Variants in PTPRM observed in about 807,000 individuals in gnomAD.
PTPRM encodes the protein receptor-type tyrosine-protein phosphatase mu.
A neutral mutation model predicts 186.7 loss-of-function variants in PTPRM; 47 were observed. The ratio of observed to expected loss-of-function variants is 0.25; its 90% CI spans 0.20 to 0.32. The LOEUF (loss-of-function observed/expected upper bound fraction) is 0.32. Among genes scored for constraint, PTPRM ranks in the 10% least tolerant of loss-of-function variants. The probability of loss-of-function intolerance (pLI) is 1.00; values close to 1 mark genes in which losing one functional copy is unlikely to be tolerated. For missense variants in PTPRM, 1,494 were observed against 1,865.0 expected, an observed-to-expected ratio of 0.80 and a Z score of 3.66; for synonymous variants, 668 against 674.9, an observed-to-expected ratio of 0.99 and a Z score of 0.16.
chr18:8,063,303 G>A (rs557989022), intron 7 of PTPRM, among the ~76,000 whole-genome samples: 12 of 150,750 alleles, frequency 8.0e-5, no homozygotes, highest in Non-Finnish European at 1.6e-4. Context: ...GCAATGCCTC[G>A]CCCTGCTTCG....
At chr18:7,772,391 CTTTCTTTCTTTCTTTCTTTCT>C (rs2042347662) in intron 1 of PTPRM, among the ~76,000 whole-genome samples, 1 of 106,198 alleles carries the variant, frequency 9.4e-6, no homozygotes, top group Non-Finnish European at 2.0e-5. Flanking sequence ...TTCTTTCTTT[CTTTCTTTCTTTCTTTCTTTCT>C]TTTCTTTCTT....
At chr18:7,909,764 AT>A (rs1385334212) in intron 4 of PTPRM, among the ~76,000 whole-genome samples, 3 of 135,640 alleles carry the variant, frequency 2.2e-5, no homozygotes, top group Admixed American at 1.4e-4. Context: ...GCATTACAAC[AT>A]TTTTTAATAT....
chr18:7,904,468 T>C (rs548620935), intron 3 of PTPRM, among the ~76,000 whole-genome samples: 2 of 152,322 alleles, frequency 1.3e-5, no homozygotes, highest in Admixed American at 1.3e-4. Context: ...TTGTCCTCCA[T>C]TTCTAGAATC....
intron 1 of PTPRM, among the ~76,000 whole-genome samples, chr18:7,574,954 C>G (rs530274900): frequency 1.6e-4 from 25 of 152,306 alleles, no homozygotes; most frequent in African/African-American, 6.0e-4. Context: ...ATGGCGTGAA[C>G]CCGGGAGGCG....
intron 1 of PTPRM, among the ~76,000 whole-genome samples, chr18:7,654,918 TG>T (rs2038812336): frequency 6.6e-6 from 1 of 152,234 alleles, no homozygotes; most frequent in Non-Finnish European, 1.5e-5. Context: ...TGCTTAGGAT[TG>T]CATTGGCTAT....
intron 1 of PTPRM, among the ~76,000 whole-genome samples, chr18:7,733,664 G>T (rs960163195): frequency 6.6e-6 from 1 of 152,198 alleles, no homozygotes; most frequent in Non-Finnish European, 1.5e-5. Flanking sequence ...TCAGAGCACA[G>T]AATGTATTAA....
At chr18:7,964,103 A>T (rs1292875967) in intron 7 of PTPRM, among the ~76,000 whole-genome samples, 2 of 152,214 alleles carry the variant, frequency 1.3e-5, no homozygotes, top group Admixed American at 6.5e-5. Context: ...TTAATTCTTT[A>T]TCACATTTAT....
At chr18:7,804,231 TCA>T (rs2044121322) in intron 2 of PTPRM, among the ~76,000 whole-genome samples, 1 of 152,048 alleles carries the variant, frequency 6.6e-6, no homozygotes, top group South Asian at 2.1e-4. Flanking sequence ...CCCTCCTGGA[TCA>T]CACACCCCAA....
intron 1 of PTPRM, among the ~76,000 whole-genome samples, chr18:7,584,223 AT>A (rs1305759752): frequency 1.3e-4 from 20 of 152,240 alleles, no homozygotes; most frequent in Non-Finnish European, 1.5e-5. Flanking sequence ...TTAAAAAATT[AT>A]GCAATTATGA....
chr18:7,634,965 C>A (rs2038278245), intron 1 of PTPRM, among the ~76,000 whole-genome samples: 1 of 152,136 alleles, frequency 6.6e-6, no homozygotes, highest in Non-Finnish European at 1.5e-5. Flanking sequence ...TAATGTATCA[C>A]ACAGGCATAT....
chr18:7,614,157 A>G (rs1947872557), intron 1 of PTPRM, among the ~76,000 whole-genome samples: 2 of 152,210 alleles, frequency 1.3e-5, no homozygotes, highest in Admixed American at 1.3e-4. Context: ...AATCAAACCT[A>G]CTAGTTATAC....
chr18:8,273,436 A>G (rs2094796214), intron 19 of PTPRM, among the ~76,000 whole-genome samples: 1 of 152,146 alleles, frequency 6.6e-6, no homozygotes, highest in Non-Finnish European at 1.5e-5. Flanking sequence ...ATGGGATTAT[A>G]TGTTCCATAC....
chr18:8,132,384 G>C (rs2092532725), intron 13 of PTPRM, among the ~76,000 whole-genome samples: 1 of 152,134 alleles, frequency 6.6e-6, no homozygotes. Context: ...AGCCAGTTTA[G>C]GGACTTAATA....
rs2044541018 is a variant in PTPRM at position 7,811,937 on chromosome 18, A to G, written c.196+37666A>G. On this transcript the variant is annotated intron_variant, in intron 2 of 32. Coordinates refer to ENST00000580170, the MANE Select transcript of PTPRM (RefSeq NM_001105244.2). ...AGAGACTGGATAGATTAATACCCAG[A>G]ATTACTTTATGTAAAGTTTTCCAGG... 7.2e-5 allele frequency among the ~76,000 whole-genome samples: 11 copies of G among 152,202 alleles called. No homozygotes were observed. The South Asian group carries it at 2.3e-3, about 31-fold the overall frequency.
At chr18:8,331,095 T>C (rs1432505053) in intron 22 of PTPRM, among the ~76,000 whole-genome samples, 1 of 16,050 alleles carries the variant, frequency 6.2e-5, no homozygotes, top group Non-Finnish European at 8.7e-4. Context: ...TCAAGAATAA[T>C]AGAAACCTTT....
rs917007136 is a variant in PTPRM at position 7,949,194 on chromosome 18, G to A, written c.677G>A (p.Arg226Gln). Reference sequence around the variant, plus strand: ...CACTTGATACAGGGCATTGATGTGCGAGATGCTCCTCTGAAGGAAATCAAG... The same window carrying A: ...CACTTGATACAGGGCATTGATGTGCAAGATGCTCCTCTGAAGGAAATCAAG... The part of the protein sequence containing the change: ...DRLWLQGIDV[R>Q]DAPLKEIKVT... Residue 226 changes from arginine to glutamine, a missense_variant, in exon 6 of 33, where the codon CGA becomes CAA. By Grantham distance (43) the Arg-to-Gln change is conservative (BLOSUM62 1). Transcript: ENST00000580170. 14 of 1,606,688 alleles carry A rather than the reference G, an allele frequency of 8.7e-6. No homozygotes were observed. Among genetic ancestry groups the A allele is most frequent in the African/African-American group, 6.7e-5 (5 of 74,718 alleles).
At chr18:8,054,317 ATATATT>A (rs1221163751) in intron 7 of PTPRM, among the ~76,000 whole-genome samples, 202 of 141,458 alleles carry the variant, frequency 1.4e-3, no homozygotes, top group Non-Finnish European at 2.3e-3. Context: ...ATATATATAT[ATATATT>A]ACTACTACTA....
intron 14 of PTPRM, among the ~76,000 whole-genome samples, chr18:8,242,931 C>G (rs573858158): frequency 6.6e-5 from 10 of 152,160 alleles, no homozygotes; most frequent in Non-Finnish European, 1.3e-4. Context: ...GGTTTTCTTT[C>G]ATAGATGCTG....
intron 3 of PTPRM, among the ~76,000 whole-genome samples, chr18:7,894,312 C>G (rs2049232826): frequency 6.6e-6 from 1 of 152,134 alleles, no homozygotes; most frequent in Non-Finnish European, 1.5e-5. Flanking sequence ...CCAAGCCAGG[C>G]ATGGTGGCTC....
Sources: gnomAD v4.1 joint callset for allele counts (sites outside exome capture counted in the v4.1 genomes callset) on GRCh38, gnomAD v4.1.1 for gene constraint, MANE v1.5 for transcripts, NCBI Gene and HGNC (gene_info 2026-07-23, HGNC 2026-07-21) for gene names.